ZNF385D: variants seen among roughly 807,000 people sequenced by gnomAD.
ZNF385D encodes zinc finger protein 659.
ZNF385D carries 15 observed loss-of-function variants against 35.8 expected under a neutral mutation model. That is an observed-to-expected ratio of 0.42 (90% CI 0.28 to 0.64). The LOEUF is 0.64. Ranked by LOEUF, ZNF385D falls within the 30% of genes least tolerant of loss-of-function variation. The pLI is 0.23. For synonymous variants in ZNF385D, 212 were observed against 186.8 expected, an observed-to-expected ratio of 1.13 and a Z score of -1.10; for missense variants, 474 against 494.6, an observed-to-expected ratio of 0.96 and a Z score of 0.39.
At chr3:21,727,519 G>C (rs2068818147) in intron 1 of ZNF385D, among the ~76,000 whole-genome samples, 1 of 152,136 alleles carries the variant, frequency 6.6e-6, no homozygotes, top group South Asian at 2.1e-4. Context: ...GATATGAACA[G>C]ACACTTCTCA....
At chr3:22,058,951 C>A (rs1056284636) in intron 3 of ZNF385D, among the ~76,000 whole-genome samples, 1 of 152,140 alleles carries the variant, frequency 6.6e-6, no homozygotes, top group Non-Finnish European at 1.5e-5. Context: ...GGAATATTTA[C>A]TAGCTAAGAA....
At chr3:22,120,454 T>G (rs1156947859) in intron 3 of ZNF385D, among the ~76,000 whole-genome samples, 1 of 152,122 alleles carries the variant, frequency 6.6e-6, no homozygotes, top group Non-Finnish European at 1.5e-5. Flanking sequence ...AATTACTTTT[T>G]TAAGAGTTCT....
At position 22,140,041 on chromosome 3, in the gene ZNF385D, G is replaced by T. The variant is rs1262329659; in HGVS notation, c.325+28776C>A. ...GTACAGCCACTTTGGATTCATTGTG[G>T]CAGTTTCTTATAAAGCTAAACATAT... On this transcript the variant is annotated intron_variant, in intron 3 of 5. Transcript: ENST00000494108. 2.0e-5 allele frequency among the ~76,000 whole-genome samples: 3 copies of T among 152,122 alleles called. No individual in the cohort carries two copies. In the East Asian group the frequency reaches 5.8e-4, roughly 29 times the overall value.
intron 2 of ZNF385D, among the ~76,000 whole-genome samples, chr3:21,630,497 G>A (rs1044150007): frequency 1.3e-5 from 2 of 152,022 alleles, no homozygotes; most frequent in East Asian, 1.9e-4. Flanking sequence ...GAGCCACCGC[G>A]CCTGGCCAAA....
intron 3 of ZNF385D, among the ~76,000 whole-genome samples, chr3:21,867,573 T>C (rs970189633): frequency 3.9e-5 from 6 of 152,198 alleles, no homozygotes; most frequent in Non-Finnish European, 8.8e-5. Context: ...TTGCATCTTG[T>C]ATTTACTCTA....
At chr3:21,564,884 G>A (rs2063087937) in intron 2 of ZNF385D, among the ~76,000 whole-genome samples, 200 bp from the exon 3 acceptor site, 1 of 151,994 alleles carries the variant, frequency 6.6e-6, no homozygotes, top group Non-Finnish European at 1.5e-5. Flanking sequence ...AGTATGATAA[G>A]GAAATGATAA....
intron 2 of ZNF385D, among the ~76,000 whole-genome samples, chr3:21,663,404 T>G (rs984821338): frequency 2.6e-5 from 4 of 152,080 alleles, no homozygotes; most frequent in Non-Finnish European, 5.9e-5. Flanking sequence ...TAAGCTGACA[T>G]GGGACCGCAG....
chr3:21,608,012 C>CTCTTTTTTTTTTTTTTTTTTTT (rs2064536012), intron 2 of ZNF385D, among the ~76,000 whole-genome samples: 1 of 123,958 alleles, frequency 8.1e-6, no homozygotes, highest in Non-Finnish European at 1.6e-5. Flanking sequence ...TCTTTTTCTT[C>CTCTTTTTTTTTTTTTTTTTTTT]TTTTTTTTTT....
At chr3:22,027,084 G>T (rs925169299) in intron 3 of ZNF385D, among the ~76,000 whole-genome samples, 8 of 152,194 alleles carry the variant, frequency 5.3e-5, no homozygotes, top group African/African-American at 1.9e-4. Context: ...TTTGCCTTCA[G>T]CTGGCAAGTG....
At chr3:21,630,149 G>T (rs1162393412) in intron 2 of ZNF385D, among the ~76,000 whole-genome samples, 1 of 151,328 alleles carries the variant, frequency 6.6e-6, no homozygotes, top group Non-Finnish European at 1.5e-5. Context: ...GCTAAGAAAT[G>T]GTAGAACCAG....
intron 3 of ZNF385D, among the ~76,000 whole-genome samples, chr3:21,859,651 T>C (rs1309823376): frequency 1.4e-5 from 2 of 145,262 alleles, no homozygotes; most frequent in Non-Finnish European, 3.0e-5. Context: ...ACAACATTAT[T>C]GCTGGCTGTG....
At chr3:21,812,819 C>G (rs1247977843) in intron 3 of ZNF385D, among the ~76,000 whole-genome samples, 2 of 152,174 alleles carry the variant, frequency 1.3e-5, no homozygotes, top group Non-Finnish European at 2.9e-5. Context: ...ATTAAACGTC[C>G]CTGTCTGACA....
At chr3:21,924,003 TAAAAC>T (rs1360626854) in intron 3 of ZNF385D, among the ~76,000 whole-genome samples, 1 of 152,176 alleles carries the variant, frequency 6.6e-6, no homozygotes, top group African/African-American at 2.4e-5. Flanking sequence ...GCTGAAAACT[TAAAAC>T]AATATATTTA....
chr3:22,204,012 T>C (rs763581238), intron 2 of ZNF385D, among the ~76,000 whole-genome samples: 4 of 151,986 alleles, frequency 2.6e-5, no homozygotes, highest in Non-Finnish European at 4.4e-5. Flanking sequence ...CAAGTGGTGG[T>C]TACAGTGCAC....
intron 3 of ZNF385D, among the ~76,000 whole-genome samples, chr3:21,893,265 T>G (rs1698972276): frequency 1.3e-5 from 2 of 152,158 alleles, no homozygotes; most frequent in South Asian, 2.1e-4. Flanking sequence ...ACATCTGCTT[T>G]TAGCACAGAT....
chr3:22,009,032 C>A (rs1696396864), intron 3 of ZNF385D, among the ~76,000 whole-genome samples: 1 of 152,056 alleles, frequency 6.6e-6, no homozygotes, highest in African/African-American at 2.4e-5. Flanking sequence ...TCATACAAGT[C>A]CTAGTGTTGG....
At chr3:21,479,075 A>T (rs1704429878) in intron 4 of ZNF385D, among the ~76,000 whole-genome samples, 1 of 151,808 alleles carries the variant, frequency 6.6e-6, no homozygotes, top group South Asian at 2.1e-4. Flanking sequence ...TACTGTGACT[A>T]CATTATTTCA....
rs1159950305 is a variant in ZNF385D, at chr3:21,663,915, A to ATATATTTATT, written c.165+970_165+971insAATAAATATA. 6.6e-5 allele frequency among the ~76,000 whole-genome samples: 7 copies of ATATATTTATT among 105,868 alleles called. 1 individual carries two copies. The highest frequency in any genetic ancestry group is 2.7e-4 in the South Asian group (1 of 3,684). 69.5% of individuals were successfully genotyped at this position (105,868 alleles called of 152,430 possible). A position where few individuals can be genotyped will look rare whatever the true frequency, so the allele number is the denominator to read the frequency against. On this transcript the variant is annotated intron_variant, in intron 2 of 7. Transcript: ENST00000281523. ...AATATATATATATATATATATATAT[A>ATATATTTATT]TATTTATTTATTTAAATCCATCATG...
Position 21,888,740 on chromosome 3 carries a change from C to G in ZNF385D, c.326-223712G>C, listed in dbSNP as rs146596203. Among the ~76,000 whole-genome samples the G allele has an allele frequency of 2.8e-3, 420 of 152,188 alleles. 2 individuals are homozygous for G. The highest frequency in any genetic ancestry group is 9.6e-3 in the African/African-American group (398 of 41,536). On this transcript the variant is annotated intron_variant, in intron 3 of 5. Coordinates refer to the ZNF385D transcript ENST00000494108. ...GGATGTTAAAACTGGACCCATTTTT[C>G]TCATTTATCCAAAATCTCAAATTGA...
Sources: allele counts gnomAD v4.1 joint callset (sites outside exome capture counted in the v4.1 genomes callset), GRCh38; gene constraint gnomAD v4.1.1; transcripts MANE v1.5; gene names NCBI Gene and HGNC (gene_info 2026-07-23, HGNC 2026-07-21).